The following PLG variants were observed in gnomAD, a reference collection of about 807,000 sequenced individuals.
PLG encodes plasminogen, also known as plasmin.
PLG carries 41 observed loss-of-function variants against 104.4 expected under a neutral mutation model. The observed-to-expected ratio is 0.39, with a 90% CI of 0.31 to 0.51. PLG has a LOEUF of 0.51. Among genes scored for constraint, PLG ranks in the 20% least tolerant of loss-of-function variants. The pLI is 0.76. For synonymous variants in PLG, 337 were observed against 357.1 expected (o/e 0.94, Z 0.63); for missense variants, 891 against 1,003.6 (o/e 0.89, Z 1.52).
chr6:160,711,897 A>G (rs1407054198), intron 4 of PLG: 2 of 1,372,174 alleles, frequency 1.5e-6, no homozygotes, highest in African/African-American at 3.0e-5. Flanking sequence ...AAATGTTGCA[A>G]CTTGCCTATT....
intron 17 of PLG, among the ~76,000 whole-genome samples, chr6:160,748,446 AGG>A (rs1491157286): frequency 6.5e-3 from 38 of 5,866 alleles, no homozygotes; most frequent in African/African-American, 0.034. Context: ...GAAAGAAGGG[AGG>A]GAGGGAGGGA....
chr6:160,711,036 T>C (rs747844117), intron 3 of PLG, 41 bp from the exon 4 acceptor site: 3 of 1,605,886 alleles, frequency 1.9e-6, no homozygotes, highest in Non-Finnish European at 2.6e-6. Context: ...TCATGTGGTG[T>C]CTTGTGAAAG....
intron 17 of PLG, among the ~76,000 whole-genome samples, chr6:160,748,370 A>AAGAGAGAGAGAGAG (rs1346113408): frequency 8.9e-4 from 37 of 41,434 alleles, no homozygotes; most frequent in African/African-American, 9.8e-4. Context: ...GAAAGAAAGA[A>AAGAGAGAGAGAGAG]AGAAAGAAAG....
At chr6:160,748,396 GAAAGGAAGAA>G (rs1428264977) in intron 17 of PLG, among the ~76,000 whole-genome samples, 2 of 40,396 alleles carry the variant, frequency 5.0e-5, no homozygotes, top group Non-Finnish European at 1.0e-4. Context: ...AAGAAAGAAA[GAAAGGAAGAA>G]AGAAAGAAAG....
rs1038951060 is a variant in PLG at position 160,732,994 on chromosome 6, A to G, written c.1588-1001A>G. Reference sequence around the variant, plus strand: ...GGAAGTTGGACGTGGGGGGCTGAACAGTTCCAACCCTGCAATCACATGGTT... The same window carrying G: ...GGAAGTTGGACGTGGGGGGCTGAACGGTTCCAACCCTGCAATCACATGGTT... On this transcript the variant is annotated intron_variant, in intron 12 of 18. Coordinates refer to ENST00000308192, the MANE Select transcript of PLG (RefSeq NM_000301.5). The surrounding 1 kb of genome is among the most constrained non-coding windows in gnomAD (Gnocchi z 4.5). Among the ~76,000 whole-genome samples the G allele has an allele frequency of 4.6e-5, 7 of 152,172 alleles. No individual in the cohort carries two copies. Among genetic ancestry groups the G allele is most frequent in the African/African-American group, 1.4e-4 (6 of 41,442 alleles).
At chr6:160,750,945 G>A (rs907026360) in intron 17 of PLG, among the ~76,000 whole-genome samples, 2 of 152,016 alleles carry the variant, frequency 1.3e-5, no homozygotes. Flanking sequence ...AGAAAATAAA[G>A]CAGTTTTTCA....
Position 160,737,048 on chromosome 6 carries a change from G to T in PLG, c.1802+41G>T. On this transcript the variant is annotated intron_variant, in intron 14 of 18. Coordinates refer to ENST00000308192, the MANE Select transcript of PLG (RefSeq NM_000301.5). The surrounding 1 kb of genome is among the most constrained non-coding windows in gnomAD (Gnocchi z 4.7). ...GAAACGATTTATACTGTCCCTCCAC[G>T]TAAGCCCTGCAAAACCCTTCTACAT... 1 of 1,609,680 alleles carries T rather than the reference G, an allele frequency of 6.2e-7. No individual in the cohort carries two copies. The highest frequency in any genetic ancestry group is 8.5e-7 in the Non-Finnish European group (1 of 1,178,500).
Position 160,744,521 on chromosome 6 carries a change from C to A in PLG, c.2125+3104C>A, listed in dbSNP as rs1399470409. On this transcript the variant is annotated intron_variant, in intron 17 of 18. Coordinates refer to ENST00000308192, the MANE Select transcript of PLG (RefSeq NM_000301.5). The surrounding 1 kb of genome is among the most constrained non-coding windows in gnomAD (Gnocchi z 4.5). ...AGTGCTAACATCCCCTTTGTCATTT[C>A]TAATTGTGTTTATTTTGGTCTTATC... Among the ~76,000 whole-genome samples, 3 of 151,986 alleles carry A rather than the reference C, an allele frequency of 2.0e-5. No homozygotes were observed. Among genetic ancestry groups the A allele is most frequent in the African/African-American group, 7.2e-5 (3 of 41,396 alleles).
At position 160,736,764 on chromosome 6, in the gene PLG, G is replaced by A; in HGVS notation, c.1682-123G>A. 8.0e-7 allele frequency: 1 copy of A among 1,245,308 alleles called. No individual in the cohort carries two copies. Among genetic ancestry groups the A allele is most frequent in the Non-Finnish European group, 1.2e-6 (1 of 860,474 alleles). 77.1% of individuals were successfully genotyped at this position (1,245,308 alleles called of 1,614,324 possible). A position where few individuals can be genotyped will look rare whatever the true frequency, so the allele number is the denominator to read the frequency against. Reference sequence around the variant, plus strand: ...TAGAGAAAATGTTCCAAAAGATGATGATTTTACTATTTAGTTCGGCCTTTA... The same window carrying A: ...TAGAGAAAATGTTCCAAAAGATGATAATTTTACTATTTAGTTCGGCCTTTA... On this transcript the variant is annotated intron_variant, in intron 13 of 18. Transcript: ENST00000308192. The surrounding 1 kb of genome is among the most constrained non-coding windows in gnomAD (Gnocchi z 5.2).
rs749518182 is a variant in PLG at position 160,726,375 on chromosome 6, A to G, written c.1256+3808A>G. Among the ~76,000 whole-genome samples the G allele has an allele frequency of 3.3e-5, 5 of 152,132 alleles. No homozygotes were observed. Among genetic ancestry groups the G allele is most frequent in the Non-Finnish European group, 5.9e-5 (4 of 67,942 alleles). ...AAAGAAGGAATTTAGAAAAGTTTTG[A>G]ACTGAATAATAGTAAAAATACAACA... On this transcript the variant is annotated intron_variant, in intron 10 of 18. Transcript: ENST00000308192. This position sits in a 1 kb window ranked among gnomAD's most constrained non-coding sequence, Gnocchi z 4.4.
Position 160,738,958 on chromosome 6 carries a change from C to T in PLG, c.1878-110C>T, listed in dbSNP as rs548111704. ...TTTGCTTCTTGCCACTCAGAAGTCACTAATTCTGAGTGGCCAAGGGTGTCA... is the reference window on the plus strand; with the variant it reads ...TTTGCTTCTTGCCACTCAGAAGTCATTAATTCTGAGTGGCCAAGGGTGTCA... On this transcript the variant is annotated intron_variant, in intron 15 of 18. Transcript: ENST00000308192. The surrounding 1 kb of genome is among the most constrained non-coding windows in gnomAD (Gnocchi z 6.8). The T allele has an allele frequency of 9.3e-6, 12 of 1,292,950 alleles. No homozygotes were observed. In the Admixed American group the frequency reaches 2.0e-4, roughly 22 times the overall value. The allele number at this position is 1,292,950 out of a possible 1,614,324, so 80.1% of individuals were successfully genotyped here.
rs939049976 is a variant in PLG at position 160,740,429 on chromosome 6, T to G, written c.2019-882T>G. Among the ~76,000 whole-genome samples the G allele has an allele frequency of 6.6e-6, 1 of 152,160 alleles. No homozygotes were observed. Among genetic ancestry groups the G allele is most frequent in the African/African-American group, 2.4e-5 (1 of 41,438 alleles). On this transcript the variant is annotated intron_variant, in intron 16 of 18. Coordinates refer to ENST00000308192, the MANE Select transcript of PLG (RefSeq NM_000301.5). The surrounding 1 kb of genome is among the most constrained non-coding windows in gnomAD (Gnocchi z 5.2). The stretch of plus-strand genomic sequence containing the variant: ...TTTGGGTTTTGGAGGAGTTCTCTGA[T>G]AGGCTGATACATTTCGAGTTTAGAG...
Position 160,731,962 on chromosome 6 carries a change from G to C in PLG, c.1587+69G>C, listed in dbSNP as rs1760580308. The stretch of plus-strand genomic sequence containing the variant: ...TCTTTGCAAACAGAATTGGTTCTGT[G>C]TTACAGAAAATCTGACCTGGACTGC... On this transcript the variant is annotated intron_variant, in intron 12 of 18. Transcript: ENST00000308192. The surrounding 1 kb of genome is among the most constrained non-coding windows in gnomAD (Gnocchi z 5.1). 2 of 1,522,234 alleles carry C rather than the reference G, an allele frequency of 1.3e-6. No individual in the cohort carries two copies. Among genetic ancestry groups the C allele is most frequent in the Non-Finnish European group, 1.8e-6 (2 of 1,098,410 alleles). The allele number at this position is 1,522,234 out of a possible 1,614,324, so 94.3% of individuals were successfully genotyped here.
At chr6:160,722,667 T>C (rs1485587762) in intron 10 of PLG, 100 bp downstream of exon 10, 7 of 1,045,262 alleles carry the variant, frequency 6.7e-6, no homozygotes, top group Non-Finnish European at 1.0e-5. Context: ...TAGGACCAAA[T>C]TTCTCTTAGA....
In PLG at chr6:160,731,803, G is replaced by C; in HGVS notation, c.1497G>C (p.Gly499=). The change falls in exon 12 of 19, where the codon GGG becomes GGC. Residue 499 remains glycine (G), a synonymous_variant. Transcript: ENST00000308192. The surrounding 1 kb of genome is among the most constrained non-coding windows in gnomAD (Gnocchi z 5.1). ...GCAAGAGGGCGACCACTGTTACTGG[G>C]ACGCCATGCCAGGACTGGGCTGCCC... is the stretch of plus-strand genomic sequence containing the variant. ...YRGKRATTVT[G]TPCQDWAAQE... is the part of the protein sequence containing the mutation. The C allele has an allele frequency of 1.2e-6, 2 of 1,614,030 alleles. No individual in the cohort carries two copies. Among genetic ancestry groups the C allele is most frequent in the Non-Finnish European group, 1.7e-6 (2 of 1,179,912 alleles).
chr6:160,709,895 G>A (rs949644748), intron 3 of PLG, among the ~76,000 whole-genome samples: 16 of 152,182 alleles, frequency 1.1e-4, no homozygotes, highest in African/African-American at 3.9e-4. Context: ...TTAAATGATG[G>A]TGTAAATATA....
intron 12 of PLG, 144 bp from the exon 13 acceptor site, chr6:160,733,844 CAGAAAAA>C (rs1428015401): frequency 6.2e-5 from 23 of 373,246 alleles, no homozygotes; most frequent in Non-Finnish European, 9.5e-5. Flanking sequence ...AACTCCACCT[CAGAAAAA>C]AAAAAAAAAA....
In PLG at chr6:160,710,649, G is replaced by C. The variant is rs148189369; in HGVS notation, c.293-428G>C. 5.6e-4 allele frequency among the ~76,000 whole-genome samples: 86 copies of C among 152,274 alleles called. 1 individual carries two copies. The East Asian group carries it at 7.1e-3, about 13-fold the overall frequency. ...ATCTCTTTCAGCCTCTGAAAAGCCT[G>C]CCATTCCCCCATCTAAAAAGCCCTT... On this transcript the variant is annotated intron_variant, in intron 3 of 18. Coordinates refer to ENST00000308192, the MANE Select transcript of PLG (RefSeq NM_000301.5).
chr6:160,704,381 A>G (rs780766465), intron 1 of PLG, among the ~76,000 whole-genome samples: 1 of 152,252 alleles, frequency 6.6e-6, no homozygotes, highest in African/African-American at 2.4e-5. Context: ...TGAAGGGGGA[A>G]ATAAATGGAA....
Sources: allele counts gnomAD v4.1 joint callset (sites outside exome capture counted in the v4.1 genomes callset), GRCh38; gene constraint gnomAD v4.1.1; non-coding constraint Gnocchi (gnomAD v3.1); transcripts MANE v1.5; gene names NCBI Gene and HGNC (gene_info 2026-07-23, HGNC 2026-07-21).